GRID1: variants seen among roughly 807,000 people sequenced by gnomAD.
GRID1 encodes glutamate ionotropic receptor delta type subunit 1.
In GRID1, 28 loss-of-function variants were observed where a neutral mutation model predicts 98.0. That is an observed-to-expected ratio of 0.29 (90% CI 0.21 to 0.39). GRID1 has a LOEUF of 0.39. GRID1 is among the 10% of genes least tolerant of loss of function. The probability of loss-of-function intolerance (pLI) is 1.00; values close to 1 mark genes in which losing one functional copy is unlikely to be tolerated. For missense variants in GRID1, 1,111 were observed against 1,340.5 expected (o/e 0.83, Z 2.67); for synonymous variants, 553 against 538.5 (o/e 1.03, Z -0.37).
chr10:86,209,717 C>G (rs1306899295), intron 2 of GRID1, among the ~76,000 whole-genome samples: 1 of 152,022 alleles, frequency 6.6e-6, no homozygotes, highest in Non-Finnish European at 1.5e-5. Context: ...CGTAAATTGT[C>G]CAGGAACTCC....
chr10:85,829,469 G>T (rs150636958), intron 8 of GRID1, among the ~76,000 whole-genome samples: 6 of 152,270 alleles, frequency 3.9e-5, no homozygotes, highest in African/African-American at 1.4e-4. Flanking sequence ...GCAAGAGAAA[G>T]AAATAAAGGG....
chr10:85,817,953 G>A, intron 8 of GRID1, among the ~76,000 whole-genome samples: 1 of 152,198 alleles, frequency 6.6e-6, no homozygotes, highest in East Asian at 1.9e-4. Flanking sequence ...AAGGCAGTGG[G>A]GGAAAGGGAG....
At chr10:85,658,118 G>C (rs1004893293) in intron 12 of GRID1, among the ~76,000 whole-genome samples, 1 of 152,178 alleles carries the variant, frequency 6.6e-6, no homozygotes, top group Non-Finnish European at 1.5e-5. Context: ...GGCTGTGAAG[G>C]TGCCTTCTTC....
chr10:85,880,781 G>A (rs1178714770), intron 5 of GRID1, among the ~76,000 whole-genome samples: 2 of 152,068 alleles, frequency 1.3e-5, no homozygotes, highest in Non-Finnish European at 2.9e-5. Context: ...AGGGCAATTA[G>A]GCAGGAGAAG....
intron 2 of GRID1, among the ~76,000 whole-genome samples, chr10:86,304,319 G>A (rs1172467870): frequency 1.3e-5 from 2 of 152,192 alleles, no homozygotes; most frequent in Non-Finnish European, 2.9e-5. Flanking sequence ...AAGACATCTG[G>A]CAGAGGGGAC....
chr10:85,790,949 T>C (rs1842473000), intron 8 of GRID1, among the ~76,000 whole-genome samples: 3 of 152,178 alleles, frequency 2.0e-5, no homozygotes, highest in Admixed American at 2.0e-4. Flanking sequence ...GGTTCTAGCC[T>C]TCCTGAGGGC....
intron 4 of GRID1, among the ~76,000 whole-genome samples, chr10:86,020,317 G>A (rs867194119): frequency 1.3e-4 from 20 of 152,326 alleles, no homozygotes; most frequent in Middle Eastern, 6.8e-3. Context: ...AAGCAGAGCC[G>A]GCTGCCTAGA....
At chr10:86,075,591 G>C (rs180673589) in intron 4 of GRID1, among the ~76,000 whole-genome samples, 30 of 152,290 alleles carry the variant, frequency 2.0e-4, no homozygotes, top group African/African-American at 7.0e-4. Context: ...TGTTACAGCT[G>C]CCCTAGCAAA....
Position 86,255,948 on chromosome 10 carries a change from A to T in GRID1, c.236-49300T>A, listed in dbSNP as rs1846911252. Among the ~76,000 whole-genome samples, 4 of 152,286 alleles carry T rather than the reference A, an allele frequency of 2.6e-5. No individual in the cohort carries two copies. The South Asian group carries it at 8.3e-4, about 32-fold the overall frequency. On this transcript the variant is annotated intron_variant, in intron 2 of 15. Coordinates refer to ENST00000327946, the MANE Select transcript of GRID1 (RefSeq NM_017551.3). ...CTACACGGCCTCCCCCATGGTGTGC[A>T]CAACAGCCGGTAACCAGGGCTCCTG...
chr10:85,770,454 A>G (rs1226528270), intron 8 of GRID1, among the ~76,000 whole-genome samples: 5 of 152,268 alleles, frequency 3.3e-5, no homozygotes, highest in African/African-American at 1.2e-4. Flanking sequence ...CCTCATGAGC[A>G]ACGGAACAAA....
At chr10:85,632,056 A>G (rs898887514) in intron 13 of GRID1, among the ~76,000 whole-genome samples, 1 of 151,982 alleles carries the variant, frequency 6.6e-6, no homozygotes, top group Non-Finnish European at 1.5e-5. Flanking sequence ...TTGCTCCCCT[A>G]GCATGATGTC....
intron 2 of GRID1, among the ~76,000 whole-genome samples, chr10:86,320,731 A>G (rs1847958596): frequency 6.6e-6 from 1 of 152,214 alleles, no homozygotes; most frequent in African/African-American, 2.4e-5. Context: ...CTACCTTAGG[A>G]AAATGCTCCA....
At chr10:86,066,637 A>C (rs1317043495) in intron 4 of GRID1, among the ~76,000 whole-genome samples, 1 of 152,198 alleles carries the variant, frequency 6.6e-6, no homozygotes, top group Non-Finnish European at 1.5e-5. Flanking sequence ...TGGGTCCACA[A>C]TACTCTTGCA....
intron 4 of GRID1, among the ~76,000 whole-genome samples, chr10:85,995,154 T>C (rs925926680): frequency 6.6e-6 from 1 of 151,422 alleles, no homozygotes; most frequent in Non-Finnish European, 1.5e-5. Context: ...AATAGAAGCT[T>C]CTCTTATAAC....
At chr10:86,346,982 C>A (rs571977132) in intron 2 of GRID1, among the ~76,000 whole-genome samples, 5 of 152,274 alleles carry the variant, frequency 3.3e-5, no homozygotes, top group African/African-American at 1.2e-4. Flanking sequence ...GGCCCGGTAC[C>A]CTGCGTGAAC....
At chr10:86,060,802 C>A (rs900652309) in intron 4 of GRID1, among the ~76,000 whole-genome samples, 1 of 152,162 alleles carries the variant, frequency 6.6e-6, no homozygotes, top group Non-Finnish European at 1.5e-5. Flanking sequence ...TGCACCATGG[C>A]CAGCAAGCTC....
At chr10:85,740,217 T>C (rs1841926903) in intron 8 of GRID1, among the ~76,000 whole-genome samples, 1 of 152,172 alleles carries the variant, frequency 6.6e-6, no homozygotes. Context: ...CAGATGAGCT[T>C]GGGGACCTTC....
rs1322282990 is a variant in GRID1, at chr10:85,895,014, A to AT, written c.780+21171_780+21172insA. Among the ~76,000 whole-genome samples, 970 of 108,506 alleles carry AT rather than the reference A, an allele frequency of 8.9e-3. 13 individuals are homozygous for AT. The highest frequency in any genetic ancestry group is 0.049 in the East Asian group (202 of 4,130). 71.2% of individuals were successfully genotyped at this position (108,506 alleles called of 152,430 possible). The stretch of plus-strand genomic sequence containing the variant: ...AACTGGGACTCTCAAAAAAAAAAAA[A>AT]AAATATATATATATATATATATATA... On this transcript the variant is annotated intron_variant, in intron 5 of 15. Transcript: ENST00000327946.
rs1432062407 is a variant in GRID1 at position 85,827,320 on chromosome 10, A to G, written c.1233+27176T>C. ...TAGAGCTAAAAAACTCACTTTGAGA[A>G]TTTCATAATACCATCACAAGTATCA... On this transcript the variant is annotated intron_variant, in intron 8 of 15. Transcript: ENST00000327946. Among the ~76,000 whole-genome samples, 11 of 152,306 alleles carry G rather than the reference A, an allele frequency of 7.2e-5. No homozygotes were observed. The East Asian group carries it at 2.1e-3, about 29-fold the overall frequency.
Sources: gnomAD v4.1 joint callset for allele counts (sites outside exome capture counted in the v4.1 genomes callset) on GRCh38, gnomAD v4.1.1 for gene constraint, MANE v1.5 for transcripts, NCBI Gene and HGNC (gene_info 2026-07-23, HGNC 2026-07-21) for gene names.